NMBR: variants seen among roughly 807,000 people sequenced by gnomAD.
NMBR encodes neuromedin-B receptor.
A neutral mutation model predicts 20.5 loss-of-function variants in NMBR; 16 were observed. That is an observed-to-expected ratio of 0.78 (90% CI 0.53 to 1.19). NMBR has a LOEUF of 1.19. NMBR is among the 50% of genes most tolerant of loss of function. NMBR has a pLI of 0.00. For missense variants in NMBR, 582 were observed against 499.1 expected, an observed-to-expected ratio of 1.17 and a Z score of -1.58; for synonymous variants, 212 against 196.6, an observed-to-expected ratio of 1.08 and a Z score of -0.65.
intron 1 of NMBR, among the ~76,000 whole-genome samples, chr6:142,093,127 T>A (rs569717641): frequency 6.6e-6 from 1 of 152,198 alleles, no homozygotes; most frequent in South Asian, 2.1e-4. Flanking sequence ...TGATGGTATC[T>A]TAGAACAAAA....
intron 1 of NMBR, among the ~76,000 whole-genome samples, chr6:142,091,112 T>A (rs7765801): frequency 0.5 from 76,098 of 152,028 alleles, 19,559 homozygotes; most frequent in East Asian, 0.74. Context: ...TATAAAGTTA[T>A]AATAATGTGT....
chr6:142,134,765 G>A (rs1317728815), intron 1 of NMBR: 7 of 689,432 alleles, frequency 1.0e-5, no homozygotes, highest in Middle Eastern at 2.3e-4. Context: ...AGATCTCTTG[G>A]GGAAAACATG....
intron 1 of NMBR, among the ~76,000 whole-genome samples, chr6:142,124,741 A>C (rs1778001862): frequency 6.6e-6 from 1 of 151,910 alleles, no homozygotes; most frequent in African/African-American, 2.4e-5. Flanking sequence ...AAAAGAAGGA[A>C]AATAAGACCT....
intron 1 of NMBR, among the ~76,000 whole-genome samples, chr6:142,093,491 T>C (rs1391469359): frequency 6.6e-6 from 1 of 151,968 alleles, no homozygotes; most frequent in Non-Finnish European, 1.5e-5. Context: ...CTCATCATTT[T>C]TTATGGCTGC....
Position 142,095,537 on chromosome 6 carries a change from C to T in NMBR, c.-663-6216G>A, listed in dbSNP as rs375927946. ...CATGGTGGATAAGCTTTTTGATGTG[C>T]TGCTGGATTCGGTTTGCTAGTATTT... On this transcript the variant is annotated intron_variant, in intron 1 of 3. Transcript: ENST00000258042. Among the ~76,000 whole-genome samples, 15 of 152,256 alleles carry T rather than the reference C, an allele frequency of 9.9e-5. No homozygotes were observed. In the East Asian group the frequency reaches 2.7e-3, roughly 27 times the overall value.
chr6:142,103,946 T>C (rs1777610326), intron 1 of NMBR, among the ~76,000 whole-genome samples: 1 of 152,220 alleles, frequency 6.6e-6, no homozygotes, highest in African/African-American at 2.4e-5. Flanking sequence ...TTGTCAGGGT[T>C]CTTTCTATAC....
At chr6:142,093,422 G>A (rs1284947941) in intron 1 of NMBR, among the ~76,000 whole-genome samples, 1 of 149,468 alleles carries the variant, frequency 6.7e-6, no homozygotes, top group Admixed American at 6.7e-5. Flanking sequence ...TTGTCCTTGC[G>A]ATAGTTTGCT....
chr6:142,112,254 A>G (rs1270215136), intron 1 of NMBR, among the ~76,000 whole-genome samples: 2 of 152,178 alleles, frequency 1.3e-5, no homozygotes, highest in East Asian at 3.8e-4. Context: ...ATTTCTAAGC[A>G]ATTAGTAGCT....
intron 1 of NMBR, among the ~76,000 whole-genome samples, chr6:142,128,728 T>A (rs953607306): frequency 1.3e-5 from 2 of 152,012 alleles, no homozygotes; most frequent in African/African-American, 4.8e-5. Context: ...CCCACTGGTG[T>A]ATTATTCTTC....
chr6:142,078,520 A>G, intron 3 of NMBR, 35 bp downstream of exon 3: 1 of 1,212,452 alleles, frequency 8.2e-7, no homozygotes, highest in Non-Finnish European at 1.2e-6. Context: ...ACTTGTTCTG[A>G]CCACACACCA....
chr6:142,147,010 A>C (rs1778449854), intron 1 of NMBR, among the ~76,000 whole-genome samples, 34 bp downstream of exon 1: 1 of 152,226 alleles, frequency 6.6e-6, no homozygotes, highest in Non-Finnish European at 1.5e-5. Context: ...AACCAAACAA[A>C]AAAGCAAAAC....
chr6:142,105,613 G>A (rs1003779522), intron 1 of NMBR, among the ~76,000 whole-genome samples: 1 of 151,928 alleles, frequency 6.6e-6, no homozygotes, highest in Admixed American at 6.6e-5. Context: ...ACATTTTTAT[G>A]CCTTTATATA....
chr6:142,146,221 A>G (rs900422818), intron 1 of NMBR, among the ~76,000 whole-genome samples: 1 of 152,212 alleles, frequency 6.6e-6, no homozygotes, highest in Non-Finnish European at 1.5e-5. Flanking sequence ...GTGGGATAAT[A>G]TGAGGACATG....
At chr6:142,132,468 G>A (rs1485753005) in intron 1 of NMBR, among the ~76,000 whole-genome samples, 8 of 152,110 alleles carry the variant, frequency 5.3e-5, no homozygotes, top group South Asian at 4.1e-4. Context: ...TTAGTAGTTC[G>A]CTATCTTTTT....
intron 2 of NMBR, among the ~76,000 whole-genome samples, chr6:142,082,419 A>G (rs1777117663): frequency 1.3e-5 from 2 of 152,184 alleles, no homozygotes; most frequent in South Asian, 4.1e-4. Context: ...TGAAGTGGGA[A>G]TGGTGATGAC....
chr6:142,085,033 C>A (rs1777173124), intron 2 of NMBR, among the ~76,000 whole-genome samples: 2 of 152,138 alleles, frequency 1.3e-5, no homozygotes, highest in South Asian at 4.1e-4. Context: ...AACTGTCTAT[C>A]AAGATAACAG....
chr6:142,089,415 T>C lies in NMBR; in HGVS notation c.-663-94A>G, dbSNP rs979389115. On this transcript the variant is annotated intron_variant, in intron 1 of 3. Coordinates refer to ENST00000258042, the MANE Select transcript of NMBR (RefSeq NM_002511.4). ...CTACTCTTCTTCTGATCATCTACTG[T>C]TCTTACCTTAAATGTGAAAATTATT... is the stretch of plus-strand genomic sequence containing the variant. 2.6e-5 allele frequency among the ~76,000 whole-genome samples: 4 copies of C among 152,346 alleles called. No individual in the cohort carries two copies. In the South Asian group the frequency reaches 6.2e-4, roughly 24 times the overall value.
At chr6:142,127,653 T>G (rs1265972943) in intron 1 of NMBR, among the ~76,000 whole-genome samples, 1 of 152,002 alleles carries the variant, frequency 6.6e-6, no homozygotes, top group African/African-American at 2.4e-5. Context: ...CTGTCTTTTT[T>G]TTTCTTCATC....
chr6:142,079,578 C>G (rs1305625716), intron 2 of NMBR, among the ~76,000 whole-genome samples: 1 of 152,060 alleles, frequency 6.6e-6, no homozygotes, highest in Non-Finnish European at 1.5e-5. Context: ...TGATACTTTT[C>G]CATAGCTTCT....
Sources: gnomAD v4.1 joint callset for allele counts (sites outside exome capture counted in the v4.1 genomes callset) on GRCh38, gnomAD v4.1.1 for gene constraint, MANE v1.5 for transcripts, NCBI Gene and HGNC (gene_info 2026-07-23, HGNC 2026-07-21) for gene names.